Variants in SOX5 observed in about 807,000 individuals in gnomAD.
SOX5 encodes SRY-box transcription factor 5.
Under a neutral mutation model 92.0 loss-of-function variants are expected in SOX5, and 9 were observed. That is an observed-to-expected ratio of 0.10 (90% confidence interval 0.06 to 0.17). The LOEUF (loss-of-function observed/expected upper bound fraction) is 0.17, where lower values mean the gene tolerates loss of function less well. Among genes scored for constraint, SOX5 ranks in the 10% least tolerant of loss-of-function variants. The pLI is 1.00. For synonymous variants in SOX5, 344 were observed against 336.3 expected (o/e 1.02, Z -0.25); for missense variants, 642 against 944.5 (o/e 0.68, Z 4.20).
intron 10 of SOX5, among the ~76,000 whole-genome samples, chr12:23,570,696 G>C (rs1948024778): frequency 6.6e-6 from 1 of 151,320 alleles, no homozygotes; most frequent in Non-Finnish European, 1.5e-5. Context: ...GGATCACGAG[G>C]TCAGGAGATC....
At chr12:24,385,050 A>G (rs1421689129) in intron 1 of SOX5, among the ~76,000 whole-genome samples, 1 of 152,178 alleles carries the variant, frequency 6.6e-6, no homozygotes, top group Non-Finnish European at 1.5e-5. Flanking sequence ...GACCACATTC[A>G]TATAATTTTA....
chr12:24,127,986 C>A (rs952193547), intron 4 of SOX5, among the ~76,000 whole-genome samples: 2 of 152,124 alleles, frequency 1.3e-5, no homozygotes, highest in Non-Finnish European at 2.9e-5. Context: ...GTGAAAAATT[C>A]TTTCTTATGA....
intron 4 of SOX5, among the ~76,000 whole-genome samples, chr12:24,068,704 G>GTGTGTGTATATATATA (rs1444359956): frequency 1.3e-5 from 1 of 74,322 alleles, no homozygotes; most frequent in African/African-American, 5.7e-5. Flanking sequence ...GTGTGTGTGT[G>GTGTGTGTATATATATA]TATATATATA....
At chr12:24,558,809 A>C (rs1954059873) in intron 1 of SOX5, among the ~76,000 whole-genome samples, 1 of 152,236 alleles carries the variant, frequency 6.6e-6, no homozygotes, top group Non-Finnish European at 1.5e-5. Flanking sequence ...AGAATCATTT[A>C]CTATTCCAAC....
chr12:24,401,221 G>T (rs181051886), intron 1 of SOX5, among the ~76,000 whole-genome samples: 9 of 151,952 alleles, frequency 5.9e-5, no homozygotes, highest in Non-Finnish European at 1.0e-4. Context: ...TCCTGGTGGC[G>T]TGTGCCTGTA....
intron 6 of SOX5, among the ~76,000 whole-genome samples, chr12:23,703,458 G>C (rs1431663087): frequency 1.3e-5 from 2 of 152,040 alleles, no homozygotes; most frequent in African/African-American, 4.8e-5. Context: ...AGAAATAATT[G>C]TGAAAGTTGC....
intron 1 of SOX5, among the ~76,000 whole-genome samples, chr12:24,519,744 C>T (rs1474460541): frequency 6.6e-6 from 1 of 152,098 alleles, no homozygotes; most frequent in East Asian, 1.9e-4. Context: ...GAAATGAAAC[C>T]ACTGGAGGCT....
chr12:24,380,523 T>C (rs1008670927), intron 1 of SOX5, among the ~76,000 whole-genome samples: 5 of 152,218 alleles, frequency 3.3e-5, no homozygotes, highest in Admixed American at 6.5e-5. Context: ...AGCACATTTG[T>C]AATGTAAATA....
At chr12:23,650,008 G>GT (rs1343276454) in intron 7 of SOX5, among the ~76,000 whole-genome samples, 3 of 151,960 alleles carry the variant, frequency 2.0e-5, no homozygotes, top group Non-Finnish European at 4.4e-5. Context: ...GGCCTTACAT[G>GT]TTTTTTTGTT....
intron 8 of SOX5, among the ~76,000 whole-genome samples, chr12:23,629,336 A>C (rs1198488243): frequency 2.0e-5 from 3 of 152,184 alleles, no homozygotes; most frequent in African/African-American, 7.2e-5. Flanking sequence ...AACATATACA[A>C]ATATATGCAT....
intron 4 of SOX5, among the ~76,000 whole-genome samples, chr12:24,119,233 T>A (rs1948382934): frequency 6.6e-6 from 1 of 152,128 alleles, no homozygotes; most frequent in East Asian, 1.9e-4. Context: ...ATGTTTTGTA[T>A]AAAGAATCTA....
intron 6 of SOX5, among the ~76,000 whole-genome samples, chr12:23,703,017 C>A (rs2090883844): frequency 6.6e-6 from 1 of 151,944 alleles, no homozygotes; most frequent in Non-Finnish European, 1.5e-5. Context: ...ACAAGATGGG[C>A]CCATATTAAA....
At chr12:24,545,892 G>T (rs778826688) in intron 1 of SOX5, among the ~76,000 whole-genome samples, 18 of 152,190 alleles carry the variant, frequency 1.2e-4, no homozygotes, top group Non-Finnish European at 1.6e-4. Flanking sequence ...CAGCCATCCA[G>T]TTCCAGAGCT....
chr12:24,201,362 C>T (rs541255385), intron 4 of SOX5, among the ~76,000 whole-genome samples: 1 of 151,600 alleles, frequency 6.6e-6, no homozygotes, highest in African/African-American at 2.4e-5. Flanking sequence ...AAAAAAAATG[C>T]ACCTGCATAG....
intron 6 of SOX5, among the ~76,000 whole-genome samples, chr12:23,708,678 C>T (rs995447247): frequency 1.3e-5 from 2 of 152,040 alleles, no homozygotes; most frequent in Non-Finnish European, 2.9e-5. Context: ...GAACATGTGG[C>T]AGGAAAGTGG....
At chr12:24,483,967 A>T (rs1017807127) in intron 1 of SOX5, among the ~76,000 whole-genome samples, 2 of 152,206 alleles carry the variant, frequency 1.3e-5, no homozygotes, top group African/African-American at 4.8e-5. Context: ...ACAGAGATAA[A>T]TTATATTTGT....
intron 4 of SOX5, among the ~76,000 whole-genome samples, chr12:24,199,231 C>T (rs928734567): frequency 4.6e-5 from 7 of 152,122 alleles, no homozygotes; most frequent in East Asian, 1.9e-4. Flanking sequence ...CGGTACAATG[C>T]GTCTGTTCCA....
At chr12:23,567,701 C>T (rs1947385809) in intron 10 of SOX5, among the ~76,000 whole-genome samples, 2 of 152,036 alleles carry the variant, frequency 1.3e-5, no homozygotes, top group Admixed American at 1.3e-4. Flanking sequence ...CACAATTCTC[C>T]TGCCTTGGCC....
intron 3 of SOX5, among the ~76,000 whole-genome samples, chr12:23,779,814 T>TACACACACAC (rs1555337311): frequency 1.5e-4 from 17 of 110,786 alleles, no homozygotes; most frequent in South Asian, 6.6e-4. Context: ...TATATATATA[T>TACACACACAC]ACACACACAC....
Sources: gnomAD v4.1 joint callset for allele counts (sites outside exome capture counted in the v4.1 genomes callset) on GRCh38, gnomAD v4.1.1 for gene constraint, MANE v1.5 for transcripts, NCBI Gene and HGNC (gene_info 2026-07-23, HGNC 2026-07-21) for gene names.